POLA1: variants seen among roughly 807,000 people sequenced by gnomAD.
POLA1 encodes the protein DNA polymerase alpha 1, catalytic subunit.
Under a neutral mutation model 124.0 loss-of-function variants are expected in POLA1, and 15 were observed. The ratio of observed to expected loss-of-function variants is 0.12; its 90% CI spans 0.08 to 0.19. The LOEUF is 0.19. POLA1 is among the 10% of genes least tolerant of loss of function. The pLI, the probability that POLA1 is intolerant of heterozygous loss-of-function variation, is 1.00. For synonymous variants in POLA1, 408 were observed against 389.4 expected (o/e 1.05, Z -0.56); for missense variants, 886 against 1,103.4 (o/e 0.80, Z 2.79).
intron 26 of POLA1, among the ~76,000 whole-genome samples, chrX:24,789,845 G>A (rs1247578317): frequency 1.8e-5 from 2 of 111,483 alleles, no homozygotes; most frequent in Non-Finnish European, 3.8e-5. Context: ...AGGGAAAACT[G>A]TCCCAACTTG....
intron 36 of POLA1, among the ~76,000 whole-genome samples, chrX:24,971,744 C>G (rs895281264): frequency 2.7e-5 from 3 of 111,075 alleles, no homozygotes; most frequent in African/African-American, 9.8e-5. Context: ...CATGGAAGCA[C>G]TATCATTATA....
intron 32 of POLA1, among the ~76,000 whole-genome samples, chrX:24,840,070 C>A: frequency 8.9e-6 from 1 of 111,950 alleles, no homozygotes; most frequent in Non-Finnish European, 1.9e-5. Context: ...GACAAGTGGC[C>A]CATGTTAACA....
chrX:24,782,094 C>T (rs1037577065), intron 26 of POLA1, among the ~76,000 whole-genome samples: 2 of 111,706 alleles, frequency 1.8e-5, no homozygotes, highest in African/African-American at 6.5e-5. Flanking sequence ...GTCAGACTCA[C>T]ATGTACTTGC....
At chrX:24,898,703 C>T (rs2047237648) in intron 35 of POLA1, among the ~76,000 whole-genome samples, 1 of 111,944 alleles carries the variant, frequency 8.9e-6, no homozygotes, top group African/African-American at 3.2e-5. Context: ...AAAATTGGAA[C>T]GTTCTTGTTA....
intron 32 of POLA1, among the ~76,000 whole-genome samples, chrX:24,828,732 T>C (rs2046213549): frequency 9.0e-6 from 1 of 111,655 alleles, no homozygotes; most frequent in South Asian, 3.8e-4. Flanking sequence ...CCTTGTCTCA[T>C]GAATGACATT....
At chrX:24,744,475 T>C in intron 23 of POLA1, 1 of 344,433 alleles carries the variant, frequency 2.9e-6, no homozygotes, top group Non-Finnish European at 5.4e-6. Context: ...CTTCTCAAGG[T>C]GAAGATAACT....
At chrX:24,911,160 T>C (rs2047443895) in intron 35 of POLA1, among the ~76,000 whole-genome samples, 1 of 111,967 alleles carries the variant, frequency 8.9e-6, no homozygotes, top group African/African-American at 3.2e-5. Flanking sequence ...TTAAGGAAGA[T>C]TGGAAAGTAT....
intron 29 of POLA1, 22 bp from the exon 30 acceptor site, chrX:24,814,957 G>GTTT (rs749255466): frequency 8.3e-4 from 709 of 853,402 alleles, no homozygotes; most frequent in African/African-American, 9.5e-4. Flanking sequence ...TCTTTGTTTT[G>GTTT]TTTTTTTTTT....
chrX:24,843,621 C>G lies in POLA1; in HGVS notation c.3991C>G (p.Gln1331Glu). 2.5e-6 allele frequency: 3 copies of G among 1,179,579 alleles called. No individual in the cohort carries two copies. The highest frequency in any genetic ancestry group is 3.4e-6 in the Non-Finnish European group (3 of 869,892). Residue 1331 changes from glutamine (Q) to glutamate (E), a missense_variant, in exon 34 of 37, where the codon CAA becomes GAA. Physicochemically the swap from Gln to Glu is conservative, Grantham distance 29 (BLOSUM62 2). This residue lies in a region of POLA1 where 313 missense variants were observed against 359.7 expected (regional missense o/e 0.87). Coordinates refer to ENST00000379068, the MANE Select transcript of POLA1 (RefSeq NM_001330360.2). Reference protein sequence around the residue: ...CKASPLTFTVQLSNKLIMDIR... With the variant: ...CKASPLTFTVELSNKLIMDIR... ...GGCTTCACCTCTGACCTTTACAGTA[C>G]AACTGAGCAACAAATTGATCATGGA...
At position 24,829,479 on chromosome X, in the gene POLA1, G is replaced by A. The variant is rs1003322704; in HGVS notation, c.3736+2878G>A. Among the ~76,000 whole-genome samples the A allele has an allele frequency of 7.2e-5, 8 of 111,446 alleles. No homozygotes were observed. In the East Asian group the frequency reaches 8.4e-4, roughly 12 times the overall value. ...GCCATCTATATTAGTAACAAATCTT[G>A]TAGTCCTTTCCTTCTGCCCCCTTCC... On this transcript the variant is annotated intron_variant, in intron 32 of 36. Transcript: ENST00000379068.
At chrX:24,978,977 A>T (rs2048394606) in intron 36 of POLA1, among the ~76,000 whole-genome samples, 1 of 112,123 alleles carries the variant, frequency 8.9e-6, no homozygotes, top group African/African-American at 3.2e-5. Context: ...TTAGCAGAGA[A>T]CTAGTATTAA....
intron 35 of POLA1, among the ~76,000 whole-genome samples, chrX:24,929,790 A>G (rs961743527): frequency 8.9e-6 from 1 of 112,343 alleles, no homozygotes; most frequent in Non-Finnish European, 1.9e-5. Context: ...TGCTGAGTGA[A>G]TAGTAGTTCA....
intron 26 of POLA1, chrX:24,789,113 C>T (rs1178430781): frequency 1.8e-6 from 2 of 1,127,898 alleles, no homozygotes; most frequent in Admixed American, 2.2e-5. Context: ...AGAAAGAGCC[C>T]ACTTTTACTA....
intron 35 of POLA1, among the ~76,000 whole-genome samples, chrX:24,916,479 A>G (rs187902460): frequency 1.0e-3 from 112 of 109,850 alleles, no homozygotes; most frequent in Non-Finnish European, 2.0e-3. Context: ...GGGTTTCACC[A>G]TGTTGGCCAG....
intron 31 of POLA1, among the ~76,000 whole-genome samples, chrX:24,825,429 A>G (rs2046157553): frequency 8.9e-6 from 1 of 112,049 alleles, no homozygotes; most frequent in Non-Finnish European, 1.9e-5. Flanking sequence ...GCTGAGCTGG[A>G]AAGGGACTGA....
chrX:24,958,296 A>G (rs149249529), intron 36 of POLA1, among the ~76,000 whole-genome samples: 1,749 of 111,713 alleles, frequency 0.016, 20 homozygotes, highest in Non-Finnish European at 0.026. Context: ...CTTGTAAGAG[A>G]GCTGTATATA....
At chrX:24,746,675 G>A (rs143164690) in intron 24 of POLA1, among the ~76,000 whole-genome samples, 1 of 111,857 alleles carries the variant, frequency 8.9e-6, no homozygotes, top group East Asian at 2.8e-4. Flanking sequence ...TTTCATAGTT[G>A]CTGTAAATAA....
intron 26 of POLA1, among the ~76,000 whole-genome samples, chrX:24,790,125 G>T (rs1029776491): frequency 5.4e-5 from 6 of 111,929 alleles, no homozygotes; most frequent in Non-Finnish European, 7.5e-5. Flanking sequence ...AAAAAGAATA[G>T]CTTTATCCTG....
At chrX:24,752,990 C>T (rs935144533) in intron 26 of POLA1, among the ~76,000 whole-genome samples, 11 of 110,608 alleles carry the variant, frequency 9.9e-5, no homozygotes, top group South Asian at 3.8e-4. Context: ...TTTTTTATTG[C>T]GAAATTTTTT....
Sources: gnomAD v4.1 joint callset for allele counts (sites outside exome capture counted in the v4.1 genomes callset) on GRCh38, gnomAD v4.1.1 for gene constraint, gnomAD v4.1.1 regional missense constraint, MANE v1.5 for transcripts, NCBI Gene and HGNC (gene_info 2026-07-23, HGNC 2026-07-21) for gene names.